Variants in TET2 observed in about 807,000 individuals in gnomAD.
The protein encoded by TET2 is methylcytosine dioxygenase TET2.
A neutral mutation model predicts 142.9 loss-of-function variants in TET2; 299 were observed. The ratio of observed to expected loss-of-function variants is 2.09; its 90% confidence interval spans 1.90 to 2.30. The LOEUF is 2.30. TET2 is among the 30% of genes most tolerant of loss of function. The pLI is 0.00. For missense variants in TET2, 2,418 were observed against 2,378.0 expected, an observed-to-expected ratio of 1.02 and a Z score of -0.35; for synonymous variants, 819 against 849.0, an observed-to-expected ratio of 0.96 and a Z score of 0.61.
chr4:105,231,098 G>A (rs140188814), intron 2 of TET2, among the ~76,000 whole-genome samples: 198 of 152,132 alleles, frequency 1.3e-3, no homozygotes, highest in South Asian at 7.5e-3. Context: ...AATATTATAT[G>A]TGCAAACACA....
chr4:105,243,348 G>A (rs1249765177), intron 5 of TET2, among the ~76,000 whole-genome samples: 1 of 152,132 alleles, frequency 6.6e-6, no homozygotes, highest in Non-Finnish European at 1.5e-5. Flanking sequence ...TAAACATTAA[G>A]GAGTAGTTTT....
intron 6 of TET2, among the ~76,000 whole-genome samples, chr4:105,257,985 C>A (rs1055504523): frequency 6.6e-6 from 1 of 151,948 alleles, no homozygotes; most frequent in Non-Finnish European, 1.5e-5. Flanking sequence ...TATATCCAAC[C>A]AGTCTAGAGT....
chr4:105,225,556 C>T (rs1047853197), intron 2 of TET2, among the ~76,000 whole-genome samples: 1 of 152,108 alleles, frequency 6.6e-6, no homozygotes, highest in Non-Finnish European at 1.5e-5. Flanking sequence ...TTAAATTTTA[C>T]AAGAGTGACT....
At chr4:105,154,125 G>T (rs1394877676) in intron 1 of TET2, among the ~76,000 whole-genome samples, 1 of 152,186 alleles carries the variant, frequency 6.6e-6, no homozygotes, top group African/African-American at 2.4e-5. Context: ...ATTACTAGGG[G>T]CTAGGGATGG....
At chr4:105,191,754 A>AT (rs1329726931) in intron 2 of TET2, among the ~76,000 whole-genome samples, 4 of 152,162 alleles carry the variant, frequency 2.6e-5, no homozygotes, top group Admixed American at 6.5e-5. Context: ...GGATGTTGCC[A>AT]TTTTCAAGAC....
chr4:105,158,299 T>G (rs1218905399), intron 1 of TET2, among the ~76,000 whole-genome samples: 3 of 152,214 alleles, frequency 2.0e-5, no homozygotes, highest in Non-Finnish European at 4.4e-5. Flanking sequence ...TCGGGGTTTT[T>G]GGGAAACTAT....
chr4:105,246,413 T>C (rs1404024214), intron 6 of TET2, among the ~76,000 whole-genome samples: 5 of 152,258 alleles, frequency 3.3e-5, no homozygotes, highest in African/African-American at 1.2e-4. Flanking sequence ...TTAAAAGACA[T>C]GCTTCAAATA....
At position 105,235,594 on chromosome 4, in the gene TET2, A is replaced by G. The variant is rs773040955; in HGVS notation, c.1652A>G (p.Asp551Gly). ...LKGRDKEQTR[D>G]LVPPTQHYLK... is the part of the protein sequence containing the mutation. ...GGTCGAGACAAGGAGCAAACACGAG[A>G]TCTTGTGCCCCCAACACAGCACTAT... The change falls in exon 3 of 11, where the codon GAT (aspartate) becomes GGT (glycine). Residue 551 changes from aspartate (D) to glycine (G), a missense_variant. Asp to Gly is a moderately conservative substitution (Grantham distance 94). Coordinates refer to ENST00000380013, the MANE Select transcript of TET2 (RefSeq NM_001127208.3). 2.5e-6 allele frequency: 4 copies of G among 1,614,056 alleles called. No homozygotes were observed. The highest frequency in any genetic ancestry group is 3.4e-6 in the Non-Finnish European group (4 of 1,180,030).
intron 2 of TET2, among the ~76,000 whole-genome samples, chr4:105,228,922 T>C (rs1255357497): frequency 2.0e-5 from 3 of 152,198 alleles, no homozygotes; most frequent in African/African-American, 7.2e-5. Context: ...TAAAAGCCAT[T>C]GTCTCACCCA....
In TET2 at chr4:105,279,478, A is replaced by G. The variant is rs143847362; in HGVS notation, c.*2959A>G. 3,400 of 232,732 alleles carry G rather than the reference A, an allele frequency of 0.015. 39 individuals are homozygous for G. Among genetic ancestry groups the G allele is most frequent in the Non-Finnish European group, 0.023 (2,755 of 117,732 alleles). 14.4% of individuals were successfully genotyped at this position (232,732 alleles called of 1,614,324 possible). A position where few individuals can be genotyped will look rare whatever the true frequency, so the allele number is the denominator to read the frequency against. ...TTGAAAATGCTTCTGAGTGGTGTCA[A>G]CTTTACTTGAATGAATTTTTCATCT... On this transcript the variant is annotated 3_prime_UTR_variant, in exon 11 of 11. Transcript: ENST00000380013.
At chr4:105,211,952 C>T (rs1176057088) in intron 2 of TET2, among the ~76,000 whole-genome samples, 1 of 152,200 alleles carries the variant, frequency 6.6e-6, no homozygotes, top group African/African-American at 2.4e-5. Context: ...CTTACTGTAA[C>T]TTAAGTCATT....
In TET2 at chr4:105,272,577, C is replaced by T; in HGVS notation, c.4196C>T (p.Thr1399Ile). The stretch of plus-strand genomic sequence containing the variant: ...CTTCCCTACCAGGTATGCACTCTCA[C>T]TAGAGAAGACAATCGAGAATTTGGA... ...QNGSTLVCTL[T>I]REDNREFGGK... The change falls in exon 10 of 11, where the codon ACT becomes ATT. Residue 1399 changes from threonine to isoleucine, a missense_variant. By Grantham distance (89) the Thr-to-Ile change is moderately conservative (BLOSUM62 -1). Transcript: ENST00000380013. 1 of 1,536,800 alleles carries T rather than the reference C, an allele frequency of 6.5e-7. No individual in the cohort carries two copies. The highest frequency in any genetic ancestry group is 8.8e-7 in the Non-Finnish European group (1 of 1,140,794).
chr4:105,231,399 T>C (rs1415666815), intron 2 of TET2, among the ~76,000 whole-genome samples: 2 of 152,168 alleles, frequency 1.3e-5, no homozygotes, highest in Non-Finnish European at 2.9e-5. Context: ...AAATAGGTCT[T>C]CCACATTTTA....
chr4:105,260,178 T>C (rs1202166208), intron 7 of TET2, among the ~76,000 whole-genome samples: 1 of 152,036 alleles, frequency 6.6e-6, no homozygotes, highest in African/African-American at 2.4e-5. Flanking sequence ...ATGCATTTAA[T>C]AAAGTCACTG....
chr4:105,150,604 T>C (rs1439296478), intron 1 of TET2, among the ~76,000 whole-genome samples: 2 of 152,242 alleles, frequency 1.3e-5, no homozygotes. Flanking sequence ...AAGCCAACTT[T>C]ACAATTGGAG....
intron 8 of TET2, among the ~76,000 whole-genome samples, chr4:105,265,554 A>G (rs1173507948): frequency 6.6e-6 from 1 of 152,232 alleles, no homozygotes; most frequent in Non-Finnish European, 1.5e-5. Flanking sequence ...CAAAGCACAC[A>G]TCTATGTTAA....
chr4:105,219,246 A>G (rs1359749550), intron 2 of TET2, among the ~76,000 whole-genome samples: 1 of 152,110 alleles, frequency 6.6e-6, no homozygotes, highest in East Asian at 1.9e-4. Flanking sequence ...ATATCCTACA[A>G]ATTAACTAAA....
chr4:105,194,821 T>C (rs1014262778), intron 2 of TET2, among the ~76,000 whole-genome samples: 18 of 152,170 alleles, frequency 1.2e-4, no homozygotes, highest in Non-Finnish European at 2.5e-4. Flanking sequence ...TACAATTCTT[T>C]ATACACTTCT....
At chr4:105,164,263 ACAT>A (rs1429224061) in intron 1 of TET2, among the ~76,000 whole-genome samples, 1 of 152,188 alleles carries the variant, frequency 6.6e-6, no homozygotes, top group Admixed American at 6.5e-5. Context: ...TTTAGATTCC[ACAT>A]ATAAGTGAGA....
Sources: gnomAD v4.1 joint callset for allele counts (sites outside exome capture counted in the v4.1 genomes callset) on GRCh38, gnomAD v4.1.1 for gene constraint, MANE v1.5 for transcripts, NCBI Gene and HGNC (gene_info 2026-07-23, HGNC 2026-07-21) for gene names.